Variants in DTNBP1 observed in about 807,000 individuals in gnomAD.
The protein encoded by DTNBP1 is dystrobrevin binding protein 1, also known as dysbindin.
DTNBP1 carries 35 observed loss-of-function variants against 42.8 expected under a neutral mutation model. That is an observed-to-expected ratio of 0.82 (90% CI 0.63 to 1.09). DTNBP1 has a LOEUF of 1.09. DTNBP1 is among the 50% of genes least tolerant of loss of function. The probability of loss-of-function intolerance (pLI) is 0.00; values close to 1 mark genes in which losing one functional copy is unlikely to be tolerated. For synonymous variants in DTNBP1, 171 were observed against 162.2 expected (o/e 1.05, Z -0.41); for missense variants, 457 against 424.2 (o/e 1.08, Z -0.68).
At chr6:15,560,027 G>A (rs533662711) in intron 7 of DTNBP1, among the ~76,000 whole-genome samples, 14 of 152,254 alleles carry the variant, frequency 9.2e-5, no homozygotes, top group Admixed American at 8.5e-4. Context: ...AAAATGTGGG[G>A]CCAGGCGCAG....
intron 7 of DTNBP1, among the ~76,000 whole-genome samples, chr6:15,569,767 G>C (rs775930679): frequency 4.6e-5 from 7 of 152,092 alleles, no homozygotes; most frequent in East Asian, 1.9e-4. Context: ...CTTCTGCATA[G>C]AAATTTCGTG....
intron 7 of DTNBP1, among the ~76,000 whole-genome samples, chr6:15,552,625 A>C (rs1430351962): frequency 1.3e-5 from 2 of 151,958 alleles, no homozygotes; most frequent in African/African-American, 4.8e-5. Context: ...TCCTTTCTCT[A>C]TTTTCTTGAA....
chr6:15,542,662 A>T (rs1561947416), intron 7 of DTNBP1, among the ~76,000 whole-genome samples: 1 of 151,458 alleles, frequency 6.6e-6, no homozygotes, highest in Non-Finnish European at 1.5e-5. Context: ...GAGCCATCGC[A>T]CCTGGCCAAA....
Position 15,527,863 on chromosome 6 carries a change from A to G in DTNBP1, c.668-3194T>C, listed in dbSNP as rs1772516592. On this transcript the variant is annotated intron_variant, in intron 8 of 9. Transcript: ENST00000344537. ...GTTATGCTGACATATCTGACAACTA[A>G]AGACAATTCCATGGAAAACTTGCCA... Among the ~76,000 whole-genome samples the G allele has an allele frequency of 3.3e-5, 5 of 152,190 alleles. No homozygotes were observed. The South Asian group carries it at 1.0e-3, about 32-fold the overall frequency.
At chr6:15,616,940 A>C (rs56786898) in intron 5 of DTNBP1, among the ~76,000 whole-genome samples, 3,881 of 152,296 alleles carry the variant, frequency 0.025, 179 homozygotes, top group African/African-American at 0.087. Context: ...AGGATACAAA[A>C]TCAATACACA....
chr6:15,624,942 AACTC>A (rs1270594528), intron 5 of DTNBP1, among the ~76,000 whole-genome samples: 3 of 152,210 alleles, frequency 2.0e-5, no homozygotes, highest in South Asian at 4.1e-4. Flanking sequence ...ATGTTTACAC[AACTC>A]ACTCCATCAA....
At chr6:15,611,072 A>G (rs1038277908) in intron 6 of DTNBP1, among the ~76,000 whole-genome samples, 24 of 152,366 alleles carry the variant, frequency 1.6e-4, no homozygotes, top group African/African-American at 5.8e-4. Context: ...GAGGAAGTCC[A>G]TGCCTGGCTT....
intron 3 of DTNBP1, among the ~76,000 whole-genome samples, chr6:15,643,202 G>C (rs1047176138): frequency 5.3e-5 from 8 of 152,156 alleles, no homozygotes; most frequent in African/African-American, 1.7e-4. Context: ...GAATTACAGA[G>C]CTTGTAGACC....
intron 7 of DTNBP1, among the ~76,000 whole-genome samples, chr6:15,581,634 C>T (rs1280458066): frequency 1.3e-5 from 2 of 151,952 alleles, no homozygotes. Context: ...GAGCATAACA[C>T]GCCTAGCTAA....
intron 7 of DTNBP1, among the ~76,000 whole-genome samples, chr6:15,584,705 C>CT (rs147548247): frequency 0.028 from 2,413 of 86,386 alleles, 37 homozygotes; most frequent in African/African-American, 0.04. Flanking sequence ...ACATGTATTT[C>CT]TTTTTTTTTT....
intron 3 of DTNBP1, among the ~76,000 whole-genome samples, chr6:15,640,850 T>C (rs1200103314): frequency 2.0e-5 from 3 of 152,196 alleles, no homozygotes; most frequent in Non-Finnish European, 4.4e-5. Flanking sequence ...CTTCAGGTTT[T>C]AGCACAATGA....
chr6:15,564,809 C>G (rs1180517151), intron 7 of DTNBP1, among the ~76,000 whole-genome samples: 1 of 152,120 alleles, frequency 6.6e-6, no homozygotes, highest in East Asian at 1.9e-4. Flanking sequence ...TTAGTTATCA[C>G]AGAAGTACAA....
intron 3 of DTNBP1, among the ~76,000 whole-genome samples, chr6:15,644,664 C>T (rs1455355867): frequency 6.6e-6 from 1 of 151,990 alleles, no homozygotes; most frequent in East Asian, 1.9e-4. Flanking sequence ...AACTAAACAA[C>T]CTGCTCCTGA....
chr6:15,582,269 GA>G (rs1036400427), intron 7 of DTNBP1, among the ~76,000 whole-genome samples: 4 of 152,150 alleles, frequency 2.6e-5, no homozygotes, highest in Non-Finnish European at 5.9e-5. Context: ...GGTGAAGTGA[GA>G]AAAACACAGG....
intron 7 of DTNBP1, among the ~76,000 whole-genome samples, chr6:15,546,488 G>C (rs1773889412): frequency 6.6e-6 from 1 of 152,040 alleles, no homozygotes; most frequent in South Asian, 2.1e-4. Context: ...TAGCATTAAG[G>C]AATCTAAGAC....
At chr6:15,633,523 C>T (rs1033595370) in intron 4 of DTNBP1, among the ~76,000 whole-genome samples, 6 of 152,084 alleles carry the variant, frequency 3.9e-5, no homozygotes, top group Non-Finnish European at 7.4e-5. Flanking sequence ...CAAGAGAACT[C>T]GAATTAGAAG....
At chr6:15,640,319 C>T (rs1053594768) in intron 3 of DTNBP1, among the ~76,000 whole-genome samples, 7 of 152,190 alleles carry the variant, frequency 4.6e-5, no homozygotes, top group Non-Finnish European at 7.3e-5. Context: ...GATGAACTTA[C>T]TCCATTTTAC....
rs752486560 is a variant in DTNBP1 at position 15,537,750 on chromosome 6, TGAA to T, written c.512-4358_512-4356del. Among the ~76,000 whole-genome samples the T allele has an allele frequency of 2.6e-5, 4 of 152,330 alleles. 1 individual carries two copies. The highest frequency in any genetic ancestry group is 9.6e-5 in the African/African-American group (4 of 41,588). On this transcript the variant is annotated intron_variant, in intron 7 of 9. Coordinates refer to ENST00000344537, the MANE Select transcript of DTNBP1 (RefSeq NM_032122.5). ...GCTCACACTCTCTCCTACTGCCTTG[TGAA>T]GAAGGTGACTGCTTCCCCTTCTGCC...
chr6:15,563,367 G>T (rs1774927552), intron 7 of DTNBP1, among the ~76,000 whole-genome samples: 1 of 152,136 alleles, frequency 6.6e-6, no homozygotes, highest in African/African-American at 2.4e-5. Flanking sequence ...TAATAAAATG[G>T]ACTTCATCAA....
Sources: gnomAD v4.1 joint callset for allele counts (sites outside exome capture counted in the v4.1 genomes callset) on GRCh38, gnomAD v4.1.1 for gene constraint, MANE v1.5 for transcripts, NCBI Gene and HGNC (gene_info 2026-07-23, HGNC 2026-07-21) for gene names.